The following CALN1 variants were observed in gnomAD, a reference collection of about 807,000 sequenced individuals.
The protein encoded by CALN1 is calcium-binding protein 8.
In CALN1, 17 loss-of-function variants were observed where a neutral mutation model predicts 30.6. The observed-to-expected ratio is 0.56, with a 90% CI of 0.38 to 0.83. CALN1 has a LOEUF of 0.83. Ranked by LOEUF, CALN1 falls within the 40% of genes least tolerant of loss-of-function variation. The pLI is 0.00. For synonymous variants in CALN1, 156 were observed against 131.4 expected (o/e 1.19, Z -1.28); for missense variants, 291 against 354.9 (o/e 0.82, Z 1.45).
chr7:72,017,588 A>C (rs1481339460), intron 5 of CALN1, among the ~76,000 whole-genome samples: 1 of 152,168 alleles, frequency 6.6e-6, no homozygotes, highest in Non-Finnish European at 1.5e-5. Flanking sequence ...AGTATTGCCC[A>C]AAAGTCCTGA....
intron 3 of CALN1, among the ~76,000 whole-genome samples, chr7:72,122,571 A>T (rs780092785): frequency 2.0e-5 from 3 of 152,084 alleles, no homozygotes; most frequent in Non-Finnish European, 4.4e-5. Context: ...TGAGAAATTT[A>T]AAAAATTAGT....
intron 4 of CALN1, among the ~76,000 whole-genome samples, chr7:72,065,643 A>C (rs1237906246): frequency 6.6e-6 from 1 of 152,146 alleles, no homozygotes; most frequent in Non-Finnish European, 1.5e-5. Flanking sequence ...AAGGTGAGGA[A>C]AGCAGGACCG....
At chr7:72,236,161 C>T (rs142712509) in intron 3 of CALN1, among the ~76,000 whole-genome samples, 2 of 151,638 alleles carry the variant, frequency 1.3e-5, no homozygotes, top group African/African-American at 4.8e-5. Flanking sequence ...AAGCTGAAAA[C>T]CCTCAGAAAA....
At chr7:72,383,957 C>A in intron 2 of CALN1, among the ~76,000 whole-genome samples, 1 of 152,090 alleles carries the variant, frequency 6.6e-6, no homozygotes, top group Non-Finnish European at 1.5e-5. Flanking sequence ...GGGTATATAC[C>A]CAAAGGATTA....
At chr7:71,919,078 T>C (rs118070018) in intron 5 of CALN1, among the ~76,000 whole-genome samples, 3 of 152,362 alleles carry the variant, frequency 2.0e-5, no homozygotes, top group Non-Finnish European at 4.4e-5. Flanking sequence ...CACCTCATCA[T>C]TCATTTAAAG....
chr7:72,149,768 T>C (rs559959455), intron 3 of CALN1, among the ~76,000 whole-genome samples: 19 of 152,112 alleles, frequency 1.2e-4, no homozygotes, highest in Non-Finnish European at 2.6e-4. Flanking sequence ...AGTGATTGGC[T>C]TCTTGCACAT....
At chr7:72,328,509 C>T (rs2129557865) in intron 2 of CALN1, among the ~76,000 whole-genome samples, 1 of 152,280 alleles carries the variant, frequency 6.6e-6, no homozygotes, top group East Asian at 1.9e-4. Context: ...ATAAATTACC[C>T]AGTCTCAGGT....
At chr7:72,446,108 T>C (rs920745966) in intron 1 of CALN1, among the ~76,000 whole-genome samples, 4 of 151,920 alleles carry the variant, frequency 2.6e-5, no homozygotes, top group Non-Finnish European at 5.9e-5. Context: ...CCAATGAAAA[T>C]GCCTCCCTCT....
At chr7:72,418,418 C>T (rs1807494510) in intron 1 of CALN1, among the ~76,000 whole-genome samples, 1 of 152,176 alleles carries the variant, frequency 6.6e-6, no homozygotes. Context: ...AATAATGCTG[C>T]AATGAACATA....
At chr7:72,092,296 ATGTGCC>A (rs1036856548) in intron 4 of CALN1, among the ~76,000 whole-genome samples, 1 of 152,138 alleles carries the variant, frequency 6.6e-6, no homozygotes, top group Non-Finnish European at 1.5e-5. Flanking sequence ...TAGTCAAAGA[ATGTGCC>A]TATATTACTT....
intron 5 of CALN1, among the ~76,000 whole-genome samples, chr7:71,922,630 AATAT>A (rs983174908): frequency 1.4e-5 from 2 of 138,202 alleles, no homozygotes; most frequent in African/African-American, 5.5e-5. Context: ...ATTATATATA[AATAT>A]ATAACAGAAT....
intron 5 of CALN1, among the ~76,000 whole-genome samples, chr7:72,016,998 CAAAAAA>C (rs754201004): frequency 6.3e-5 from 2 of 31,962 alleles, no homozygotes; most frequent in African/African-American, 3.0e-4. Context: ...ACTAAAAATA[CAAAAAA>C]AAAAAAAAAA....
At position 72,336,489 on chromosome 7, in the gene CALN1, A is replaced by G. The variant is rs369766479; in HGVS notation, c.120-57679T>C. Among the ~76,000 whole-genome samples, 6 of 151,620 alleles carry G rather than the reference A, an allele frequency of 4.0e-5. No individual in the cohort carries two copies. The East Asian group carries it at 9.9e-4, about 25-fold the overall frequency. On this transcript the variant is annotated intron_variant, in intron 2 of 6. Coordinates refer to ENST00000395275, the MANE Select transcript of CALN1 (RefSeq NM_031468.4). The stretch of plus-strand genomic sequence containing the variant: ...CCAGGAGCCAGCTCCACGGAAGGCA[A>G]GGTGGCCGGCGCGGCCCCCAGCCCG...
intron 2 of CALN1, among the ~76,000 whole-genome samples, chr7:72,359,664 A>C (rs771619858): frequency 2.5e-4 from 38 of 152,126 alleles, no homozygotes; most frequent in African/African-American, 8.5e-4. Context: ...AATCAAGTGG[A>C]GGAACCTTGT....
intron 2 of CALN1, among the ~76,000 whole-genome samples, chr7:72,355,643 G>T (rs1489486347): frequency 1.3e-5 from 2 of 152,076 alleles, no homozygotes; most frequent in Admixed American, 1.3e-4. Flanking sequence ...ATTCATTTTT[G>T]GTAAAATGAA....
At chr7:71,973,151 G>GAA (rs1406727319) in intron 5 of CALN1, among the ~76,000 whole-genome samples, 3 of 151,816 alleles carry the variant, frequency 2.0e-5, no homozygotes, top group Non-Finnish European at 4.4e-5. Flanking sequence ...CACATTCCCT[G>GAA]AAAATTGAAT....
intron 3 of CALN1, among the ~76,000 whole-genome samples, chr7:72,268,663 G>T (rs1241880892): frequency 6.6e-6 from 1 of 152,176 alleles, no homozygotes; most frequent in Non-Finnish European, 1.5e-5. Context: ...CAGGCATGGT[G>T]ACATGCACCT....
intron 2 of CALN1, among the ~76,000 whole-genome samples, chr7:72,320,660 C>A (rs1319404841): frequency 3.3e-5 from 5 of 151,876 alleles, no homozygotes; most frequent in Admixed American, 2.6e-4. Flanking sequence ...CATGGCAAAA[C>A]CCCATCTCTA....
At chr7:72,461,777 G>T in the CALN1 span, among the ~76,000 whole-genome samples, 15 of 152,192 alleles carry the variant, frequency 9.9e-5, no homozygotes, top group African/African-American at 3.4e-4. Flanking sequence ...GGAGGCCGAG[G>T]TGGGTGGATC....
Sources: allele counts gnomAD v4.1 joint callset (sites outside exome capture counted in the v4.1 genomes callset), GRCh38; gene constraint gnomAD v4.1.1; transcripts MANE v1.5; gene names NCBI Gene and HGNC (gene_info 2026-07-23, HGNC 2026-07-21).